The following PTPRN2 variants were observed in gnomAD, a reference collection of about 807,000 sequenced individuals.
The protein encoded by PTPRN2 is receptor-type tyrosine-protein phosphatase N2.
Under a neutral mutation model 118.8 loss-of-function variants are expected in PTPRN2, and 74 were observed. The observed-to-expected ratio is 0.62, with a 90% CI of 0.52 to 0.76. PTPRN2 has a LOEUF of 0.76. PTPRN2 is among the 30% of genes least tolerant of loss of function. The pLI, the probability that PTPRN2 is intolerant of heterozygous loss-of-function variation, is 0.00. For synonymous variants in PTPRN2, 641 were observed against 608.0 expected, an observed-to-expected ratio of 1.05 and a Z score of -0.80; for missense variants, 1,481 against 1,394.4, an observed-to-expected ratio of 1.06 and a Z score of -0.99.
chr7:158,258,616 C>T (rs929541365), intron 3 of PTPRN2, among the ~76,000 whole-genome samples: 2 of 152,194 alleles, frequency 1.3e-5, no homozygotes, highest in African/African-American at 4.8e-5. Flanking sequence ...GCCCCCCAGT[C>T]ACAGCTTTGG....
chr7:157,889,300 G>A (rs28678105), intron 12 of PTPRN2, among the ~76,000 whole-genome samples: 18,223 of 148,732 alleles, frequency 0.12, 1,142 homozygotes, highest in East Asian at 0.19. Flanking sequence ...CCTGGTTACC[G>A]CCCCCCTCTC....
At chr7:158,453,445 A>G (rs2951741) in intron 2 of PTPRN2, among the ~76,000 whole-genome samples, 18,493 of 60,826 alleles carry the variant, frequency 0.3, 2,817 homozygotes, top group Middle Eastern at 0.37. Context: ...CAGCCTGGAC[A>G]TAGGGGAATT....
intron 11 of PTPRN2, among the ~76,000 whole-genome samples, chr7:158,069,727 T>G (rs1811063043): frequency 6.6e-6 from 1 of 152,256 alleles, no homozygotes; most frequent in East Asian, 1.9e-4. Flanking sequence ...CATGAGGATT[T>G]GCCATGGCAT....
chr7:158,483,909 G>A (rs1820812189), intron 2 of PTPRN2, among the ~76,000 whole-genome samples: 1 of 152,110 alleles, frequency 6.6e-6, no homozygotes, highest in Non-Finnish European at 1.5e-5. Context: ...AGGTCAAGGT[G>A]GGAGGACCAC....
intron 2 of PTPRN2, among the ~76,000 whole-genome samples, chr7:158,430,172 C>T (rs1432686726): frequency 2.0e-5 from 3 of 152,224 alleles, no homozygotes; most frequent in Non-Finnish European, 2.9e-5. Flanking sequence ...TCCCAAAGTG[C>T]TGAGATTACA....
chr7:158,466,948 G>A (rs1242159916), intron 2 of PTPRN2, among the ~76,000 whole-genome samples: 5 of 152,348 alleles, frequency 3.3e-5, no homozygotes, highest in Admixed American at 2.0e-4. Flanking sequence ...GGCTGAGGCA[G>A]GAGAATCACT....
intron 12 of PTPRN2, among the ~76,000 whole-genome samples, chr7:157,819,665 G>T (rs1806681800): frequency 6.6e-6 from 1 of 152,094 alleles, no homozygotes; most frequent in Admixed American, 6.5e-5. Context: ...GGCAGCGCAG[G>T]TGCATTCAGG....
chr7:157,979,269 C>T (rs561597296), intron 11 of PTPRN2, among the ~76,000 whole-genome samples: 1 of 152,324 alleles, frequency 6.6e-6, no homozygotes, highest in East Asian at 1.9e-4. Context: ...GAGGACATTG[C>T]TTAAGTTATC....
At chr7:158,309,300 C>T (rs1169176561) in intron 3 of PTPRN2, among the ~76,000 whole-genome samples, 2 of 1,986 alleles carry the variant, frequency 1.0e-3, no homozygotes, top group Non-Finnish European at 3.7e-3. Context: ...CCAGCATGGC[C>T]AGAATAAAAG....
At chr7:157,839,100 GTTC>G (rs1808186755) in intron 12 of PTPRN2, among the ~76,000 whole-genome samples, 1 of 152,272 alleles carries the variant, frequency 6.6e-6, no homozygotes, top group Non-Finnish European at 1.5e-5. Context: ...TGGCTACAGT[GTTC>G]TTGTCTTCGT....
intron 2 of PTPRN2, among the ~76,000 whole-genome samples, chr7:158,392,499 T>C (rs1812011378): frequency 6.6e-6 from 1 of 152,150 alleles, no homozygotes. Flanking sequence ...GACAGCTGCT[T>C]CTCTTGGCCA....
intron 15 of PTPRN2, among the ~76,000 whole-genome samples, chr7:157,612,261 G>A (rs1802399657): frequency 1.3e-5 from 2 of 152,326 alleles, no homozygotes; most frequent in African/African-American, 2.4e-5. Context: ...CGACTTTCTC[G>A]CAGGAACTAG....
chr7:157,892,997 C>T (rs984904824), intron 12 of PTPRN2, among the ~76,000 whole-genome samples: 4 of 152,172 alleles, frequency 2.6e-5, no homozygotes, highest in East Asian at 1.9e-4. Context: ...CCTCTGGGCA[C>T]GATGTCCGTG....
chr7:157,792,682 C>T (rs775346108), intron 12 of PTPRN2, among the ~76,000 whole-genome samples: 10 of 152,184 alleles, frequency 6.6e-5, no homozygotes, highest in Non-Finnish European at 1.0e-4. Context: ...CCACACTGCA[C>T]GACAGACGTC....
intron 2 of PTPRN2, among the ~76,000 whole-genome samples, chr7:158,387,694 T>C (rs1011313597): frequency 5.3e-5 from 8 of 151,734 alleles, no homozygotes; most frequent in African/African-American, 9.7e-5. Flanking sequence ...GCAATGGTGC[T>C]GGATGGTCTC....
chr7:158,443,247 G>GGAT (rs1817482710), intron 2 of PTPRN2, among the ~76,000 whole-genome samples: 2 of 152,170 alleles, frequency 1.3e-5, no homozygotes, highest in Non-Finnish European at 2.9e-5. Context: ...GCTCAGCCCA[G>GGAT]CGGCTCCCGC....
chr7:158,428,997 C>A (rs986722724), intron 2 of PTPRN2, among the ~76,000 whole-genome samples: 4 of 152,318 alleles, frequency 2.6e-5, no homozygotes, highest in Admixed American at 6.5e-5. Context: ...GCTACATCAA[C>A]CTGTGGGCAC....
At chr7:158,497,361 T>A (rs1024698927) in intron 1 of PTPRN2, among the ~76,000 whole-genome samples, 5 of 149,974 alleles carry the variant, frequency 3.3e-5, no homozygotes, top group African/African-American at 1.2e-4. Flanking sequence ...CACCTGCCGA[T>A]CCAGAGTATG....
intron 3 of PTPRN2, among the ~76,000 whole-genome samples, chr7:158,313,602 G>A (rs1202409461): frequency 6.6e-6 from 1 of 152,034 alleles, no homozygotes; most frequent in South Asian, 2.1e-4. Context: ...ACATGGGGCT[G>A]CCTGGGACCC....
Sources: gnomAD v4.1 joint callset for allele counts (sites outside exome capture counted in the v4.1 genomes callset) on GRCh38, gnomAD v4.1.1 for gene constraint, MANE v1.5 for transcripts, NCBI Gene and HGNC (gene_info 2026-07-23, HGNC 2026-07-21) for gene names.